Variants in MTCL2 observed in about 807,000 individuals in gnomAD.
The protein encoded by MTCL2 is microtubule cross-linking factor 2.
At chr20:36,859,697 T>C in the MTCL2 span, 44 of 1,231,632 alleles carry the variant, frequency 3.6e-5, no homozygotes, top group Admixed American at 1.3e-4. Context: ...CAGTTGACAG[T>C]TCCCAGTGAC....
At chr20:36,789,835 A>G in the MTCL2 span, among the ~76,000 whole-genome samples, 74 of 151,928 alleles carry the variant, frequency 4.9e-4, no homozygotes, top group South Asian at 0.012. Flanking sequence ...TTATTTATTT[A>G]TTTTTGAGAC....
chr20:36,857,606 G>C, the MTCL2 span, among the ~76,000 whole-genome samples: 1 of 152,138 alleles, frequency 6.6e-6, no homozygotes, highest in Non-Finnish European at 1.5e-5. Flanking sequence ...CTCAGGGTAA[G>C]GAGCAGCCAA....
At chr20:36,796,537 A>G in the MTCL2 span, among the ~76,000 whole-genome samples, 4,069 of 152,316 alleles carry the variant, frequency 0.027, 227 homozygotes, top group African/African-American at 0.093. Flanking sequence ...ATAGAGGTCA[A>G]TCTTGACTCT....
the MTCL2 span, among the ~76,000 whole-genome samples, chr20:36,792,835 TATAG>T: frequency 0.048 from 7,169 of 148,816 alleles, 196 homozygotes; most frequent in Non-Finnish European, 0.057. Flanking sequence ...TATATAGATA[TATAG>T]ATAGATAGAT....
the MTCL2 span, among the ~76,000 whole-genome samples, chr20:36,814,167 T>C: frequency 6.6e-6 from 1 of 152,160 alleles, no homozygotes; most frequent in Non-Finnish European, 1.5e-5. Context: ...TCTGCCCCAC[T>C]AGATGATAAG....
the MTCL2 span, chr20:36,784,853 C>G: frequency 2.0e-6 from 2 of 985,376 alleles, no homozygotes; most frequent in Non-Finnish European, 2.4e-6. Context: ...GGGAGACACT[C>G]AGGTTTATGT....
chr20:36,817,581 C>A, the MTCL2 span: 2 of 906,684 alleles, frequency 2.2e-6, no homozygotes, highest in South Asian at 1.7e-5. Flanking sequence ...GGGCCCCAGT[C>A]CCCAGGCCAC....
chr20:36,803,023 G>A, the MTCL2 span: 2 of 1,602,384 alleles, frequency 1.2e-6, no homozygotes, highest in African/African-American at 2.7e-5. Flanking sequence ...AGGAGGTGCT[G>A]CTGCTCCTCA....
At chr20:36,861,560 G>C in the MTCL2 span, among the ~76,000 whole-genome samples, 1 of 119,386 alleles carries the variant, frequency 8.4e-6, no homozygotes, top group Admixed American at 8.7e-5. Context: ...TAAAACCTAA[G>C]TGCTGAGGGC....
the MTCL2 span, among the ~76,000 whole-genome samples, chr20:36,820,339 CAT>C: frequency 6.6e-6 from 1 of 152,148 alleles, no homozygotes; most frequent in Non-Finnish European, 1.5e-5. Flanking sequence ...TCAGGCATCA[CAT>C]GTGAATGAAT....
chr20:36,808,493 A>AGTCCCT, the MTCL2 span: 2 of 1,566,276 alleles, frequency 1.3e-6, no homozygotes, highest in Non-Finnish European at 1.7e-6. Flanking sequence ...TCCCAGTCCC[A>AGTCCCT]GTCCCTGGCC....
At chr20:36,800,701 T>G in the MTCL2 span, among the ~76,000 whole-genome samples, 3 of 152,128 alleles carry the variant, frequency 2.0e-5, no homozygotes, top group Non-Finnish European at 4.4e-5. Context: ...ATCCATAAAC[T>G]CATGAAAAAT....
At chr20:36,859,153 T>C in the MTCL2 span, among the ~76,000 whole-genome samples, 1 of 152,190 alleles carries the variant, frequency 6.6e-6, no homozygotes, top group Non-Finnish European at 1.5e-5. Context: ...AACTTGCCCA[T>C]GGCCACACAG....
chr20:36,817,710 C>CT, the MTCL2 span, among the ~76,000 whole-genome samples: 2 of 152,196 alleles, frequency 1.3e-5, no homozygotes, highest in Non-Finnish European at 2.9e-5. Context: ...CTGCTCAGGG[C>CT]TCCTCCCCTC....
At chr20:36,797,308 T>G in the MTCL2 span, among the ~76,000 whole-genome samples, 1 of 152,002 alleles carries the variant, frequency 6.6e-6, no homozygotes, top group Non-Finnish European at 1.5e-5. Context: ...GCCCAGTCCC[T>G]GGGTGGTTGG....
At chr20:36,816,183 C>A in the MTCL2 span, 1 of 1,613,642 alleles carries the variant, frequency 6.2e-7, no homozygotes, top group African/African-American at 1.3e-5. Context: ...ATAGAGCGAG[C>A]GGTACTTCAG....
At chr20:36,783,894 T>C in the MTCL2 span, 1 of 985,388 alleles carries the variant, frequency 1.0e-6, no homozygotes, top group Non-Finnish European at 1.2e-6. Context: ...CATGTAACAT[T>C]TTCAACCCCA....
chr20:36,825,437 C>T, the MTCL2 span, among the ~76,000 whole-genome samples: 1 of 152,350 alleles, frequency 6.6e-6, no homozygotes, highest in East Asian at 1.9e-4. Context: ...GGCTCAAACA[C>T]AGCAGCTATA....
the MTCL2 span, chr20:36,780,112 C>T: frequency 6.6e-6 from 1 of 152,140 alleles, no homozygotes; most frequent in African/African-American, 2.4e-5. Context: ...CTGGTCTTGG[C>T]TCTGCCTCTG....
Sources: allele counts gnomAD v4.1 joint callset (sites outside exome capture counted in the v4.1 genomes callset), GRCh38; gene constraint gnomAD v4.1.1; transcripts MANE v1.5; gene names NCBI Gene and HGNC (gene_info 2026-07-23, HGNC 2026-07-21).